The following ABLIM1 variants were observed in gnomAD, a reference collection of about 807,000 sequenced individuals.
ABLIM1 encodes the protein actin binding LIM protein 1.
A neutral mutation model predicts 107.0 loss-of-function variants in ABLIM1; 40 were observed. The ratio of observed to expected loss-of-function variants is 0.37; its 90% CI spans 0.29 to 0.49. The LOEUF (loss-of-function observed/expected upper bound fraction) is 0.49, where lower values mean the gene tolerates loss of function less well. ABLIM1 is among the 20% of genes least tolerant of loss of function. ABLIM1 has a pLI of 0.97. For missense variants in ABLIM1, 857 were observed against 1,008.5 expected, an observed-to-expected ratio of 0.85 and a Z score of 2.04; for synonymous variants, 357 against 357.3, an observed-to-expected ratio of 1.00 and a Z score of 0.01.
At chr10:114,469,169 A>G (rs1374812164) in intron 10 of ABLIM1, among the ~76,000 whole-genome samples, 3 of 152,124 alleles carry the variant, frequency 2.0e-5, no homozygotes, top group Non-Finnish European at 2.9e-5. Flanking sequence ...CGCTCATTTT[A>G]CTATGATGAG....
intron 6 of ABLIM1, among the ~76,000 whole-genome samples, chr10:114,495,416 T>C (rs1446163835): frequency 6.6e-6 from 1 of 151,858 alleles, no homozygotes; most frequent in Non-Finnish European, 1.5e-5. Context: ...ATGATGATAA[T>C]GATGATGGTG....
At chr10:114,521,642 A>G (rs1163316303) in intron 6 of ABLIM1, among the ~76,000 whole-genome samples, 1 of 152,098 alleles carries the variant, frequency 6.6e-6, no homozygotes, top group East Asian at 1.9e-4. Flanking sequence ...TTTACTCGGT[A>G]GTCAACCCCC....
chr10:114,555,843 A>G (rs1048314273), intron 4 of ABLIM1, among the ~76,000 whole-genome samples: 9 of 152,152 alleles, frequency 5.9e-5, no homozygotes, highest in African/African-American at 2.2e-4. Context: ...ATGCTTTTTT[A>G]CAATAGATCT....
chr10:114,491,953 T>C (rs2059058684), intron 6 of ABLIM1, 75 bp from the exon 7 acceptor site: 7 of 1,228,712 alleles, frequency 5.7e-6, no homozygotes, highest in Non-Finnish European at 8.1e-6. Context: ...GACTTGATGA[T>C]TTAGAAGAAA....
At position 114,591,578 on chromosome 10, in the gene ABLIM1, G is replaced by A. The variant is rs1251382320; in HGVS notation, c.379+10249C>T. Among the ~76,000 whole-genome samples, 3 of 152,194 alleles carry A rather than the reference G, an allele frequency of 2.0e-5. No individual in the cohort carries two copies. In the East Asian group the frequency reaches 5.8e-4, roughly 29 times the overall value. ...AAGGATAAAAAAAGGATTAAAGAGA[G>A]AATACTTTCTCACTGTGTGAAAAAA... On this transcript the variant is annotated intron_variant, in intron 2 of 22. Transcript: ENST00000533213.
At chr10:114,774,349 A>G in the ABLIM1 span, among the ~76,000 whole-genome samples, 1 of 152,188 alleles carries the variant, frequency 6.6e-6, no homozygotes, top group Non-Finnish European at 1.5e-5. Context: ...CTCCCAGGCT[A>G]CAGGTGGAGG....
In ABLIM1 at chr10:114,441,836, A is replaced by G. The variant is rs78249028; in HGVS notation, c.1934-50T>C. On this transcript the variant is annotated intron_variant, in intron 17 of 22. Coordinates refer to ENST00000533213, the MANE Select transcript of ABLIM1 (RefSeq NM_002313.7). ...CAATTGTTAGGAAATCAGAAGGTCC[A>G]ATCCTTTAATGAAATTGGCAGTATC... 153 of 1,524,414 alleles carry G rather than the reference A, an allele frequency of 1.0e-4. No homozygotes were observed. The East Asian group carries it at 3.4e-3, about 34-fold the overall frequency. 94.4% of individuals were successfully genotyped at this position (1,524,414 alleles called of 1,614,324 possible).
At chr10:114,540,955 G>C (rs1260310979) in intron 6 of ABLIM1, among the ~76,000 whole-genome samples, 1 of 152,194 alleles carries the variant, frequency 6.6e-6, no homozygotes, top group African/African-American at 2.4e-5. Context: ...ATGTAATTAA[G>C]CAAAGGATCT....
In ABLIM1 at chr10:114,599,380, CAG is replaced by C. The variant is rs541091883; in HGVS notation, c.379+2445_379+2446del. The stretch of plus-strand genomic sequence containing the variant: ...AAAAAAGCAAGGAGCTTTCACCCCA[CAG>C]GGGATAAATGAATGTCTCTTCAAAT... On this transcript the variant is annotated intron_variant, in intron 2 of 22. Transcript: ENST00000533213. Among the ~76,000 whole-genome samples the C allele has an allele frequency of 3.3e-5, 5 of 152,302 alleles. No homozygotes were observed. In the East Asian group the frequency reaches 9.6e-4, roughly 29 times the overall value.
chr10:114,547,826 C>A, intron 4 of ABLIM1, 50 bp from the exon 5 acceptor site: 1 of 1,588,868 alleles, frequency 6.3e-7, no homozygotes, highest in Non-Finnish European at 8.5e-7. Context: ...TTTGCTAAAT[C>A]CAAGCAGGCA....
Position 114,596,543 on chromosome 10 carries a change from G to T in ABLIM1, c.379+5284C>A, listed in dbSNP as rs1011476380. 3.3e-5 allele frequency among the ~76,000 whole-genome samples: 5 copies of T among 152,232 alleles called. No individual in the cohort carries two copies. The East Asian group carries it at 9.7e-4, about 29-fold the overall frequency. The stretch of plus-strand genomic sequence containing the variant: ...CACAAAATACAACATGTAGTAAATG[G>T]ATGAGTAACTCATGAACCATCAGAT... On this transcript the variant is annotated intron_variant, in intron 2 of 22. Coordinates refer to ENST00000533213, the MANE Select transcript of ABLIM1 (RefSeq NM_002313.7).
chr10:114,759,882 T>C (rs2082707793), intron 1 of ABLIM1, among the ~76,000 whole-genome samples: 1 of 152,306 alleles, frequency 6.6e-6, no homozygotes, highest in Non-Finnish European at 1.5e-5. Context: ...TTAACATTTG[T>C]CCTAGATAGA....
chr10:114,773,937 A>G, the ABLIM1 span, among the ~76,000 whole-genome samples: 1 of 151,428 alleles, frequency 6.6e-6, no homozygotes, highest in Admixed American at 6.6e-5. Flanking sequence ...GAATGAGGAA[A>G]AAAGAAATTT....
At chr10:114,793,444 G>C in the ABLIM1 span, among the ~76,000 whole-genome samples, 1 of 152,210 alleles carries the variant, frequency 6.6e-6, no homozygotes, top group South Asian at 2.1e-4. Flanking sequence ...CCAGCACCAT[G>C]CTTCCTGTAC....
intron 12 of ABLIM1, among the ~76,000 whole-genome samples, chr10:114,455,128 A>G (rs900444212): frequency 1.3e-5 from 2 of 152,172 alleles, no homozygotes; most frequent in Non-Finnish European, 2.9e-5. Context: ...ATTTAAGAGA[A>G]TTTTAATGTC....
At chr10:114,593,116 T>A (rs1339408090) in intron 2 of ABLIM1, among the ~76,000 whole-genome samples, 1 of 152,214 alleles carries the variant, frequency 6.6e-6, no homozygotes, top group African/African-American at 2.4e-5. Flanking sequence ...TAAAAATGAT[T>A]GATGAAAATT....
intron 1 of ABLIM1, among the ~76,000 whole-genome samples, chr10:114,653,375 C>G (rs2079343183): frequency 8.2e-6 from 1 of 121,452 alleles, no homozygotes; most frequent in Non-Finnish European, 2.0e-5. Flanking sequence ...GACCCTGTCT[C>G]TAAAAAAAAA....
intron 1 of ABLIM1, among the ~76,000 whole-genome samples, chr10:114,741,133 C>T (rs1469739561): frequency 6.7e-5 from 10 of 149,570 alleles, no homozygotes; most frequent in Admixed American, 4.7e-4. Flanking sequence ...TTAAGTACTT[C>T]GGAAACCATT....
chr10:114,742,358 G>A (rs931461762), intron 1 of ABLIM1, among the ~76,000 whole-genome samples: 2 of 152,160 alleles, frequency 1.3e-5, no homozygotes, highest in Admixed American at 6.5e-5. Flanking sequence ...ACTAAAAATG[G>A]CCAAAAGTAC....
Sources: allele counts gnomAD v4.1 joint callset (sites outside exome capture counted in the v4.1 genomes callset), GRCh38; gene constraint gnomAD v4.1.1; transcripts MANE v1.5; gene names NCBI Gene and HGNC (gene_info 2026-07-23, HGNC 2026-07-21).